Variants in IGSF10 observed in about 807,000 individuals in gnomAD.
The protein encoded by IGSF10 is immunoglobulin superfamily member 10.
IGSF10 carries 126 observed loss-of-function variants against 128.2 expected under a neutral mutation model. That is an observed-to-expected ratio of 0.98 (90% CI 0.85 to 1.14). The LOEUF (loss-of-function observed/expected upper bound fraction) is 1.14, where lower values mean the gene tolerates loss of function less well. IGSF10 is among the 50% of genes most tolerant of loss of function. The pLI is 0.00. For missense variants in IGSF10, 3,295 were observed against 3,149.8 expected, an observed-to-expected ratio of 1.05 and a Z score of -1.10; for synonymous variants, 1,185 against 1,146.2, an observed-to-expected ratio of 1.03 and a Z score of -0.68.
chr3:151,462,635 T>C (rs1722103426), upstream of IGSF10, among the ~76,000 whole-genome samples: 1 of 152,322 alleles, frequency 6.6e-6, no homozygotes, highest in Non-Finnish European at 1.5e-5. Flanking sequence ...TGCCCTATGG[T>C]CTGAACGTTT....
chr3:151,515,342 A>G, the IGSF10 span, among the ~76,000 whole-genome samples: 2 of 151,746 alleles, frequency 1.3e-5, no homozygotes, highest in African/African-American at 4.8e-5. Flanking sequence ...GCTGGAAACC[A>G]TCATTCTCAG....
chr3:151,502,322 A>C, the IGSF10 span, among the ~76,000 whole-genome samples: 1 of 152,104 alleles, frequency 6.6e-6, no homozygotes, highest in East Asian at 1.9e-4. Flanking sequence ...TTTTCACAGT[A>C]AAAATCTTAA....
the IGSF10 span, among the ~76,000 whole-genome samples, chr3:151,505,938 G>GCTT: frequency 2.3e-5 from 1 of 43,654 alleles, no homozygotes; most frequent in South Asian, 6.8e-4. Context: ...AGGCTGGCTT[G>GCTT]CTTCTTCTTC....
the IGSF10 span, among the ~76,000 whole-genome samples, chr3:151,602,786 T>A: frequency 2.0e-5 from 3 of 152,190 alleles, no homozygotes; most frequent in Admixed American, 1.3e-4. Flanking sequence ...CTGAACATTA[T>A]TGGGACAAGA....
chr3:151,503,136 A>G, the IGSF10 span, among the ~76,000 whole-genome samples: 124,370 of 151,932 alleles, frequency 0.82, 50,986 homozygotes, highest in Middle Eastern at 0.93. Context: ...TGGCAGTGCA[A>G]AAGCAAAGGC....
At chr3:151,512,630 A>G in the IGSF10 span, among the ~76,000 whole-genome samples, 9 of 152,236 alleles carry the variant, frequency 5.9e-5, no homozygotes, top group African/African-American at 2.2e-4. Context: ...AACTGAAGGA[A>G]ATAGAGACAC....
chr3:151,475,318 T>C, the IGSF10 span, among the ~76,000 whole-genome samples: 1 of 152,192 alleles, frequency 6.6e-6, no homozygotes, highest in South Asian at 2.1e-4. Context: ...GAGAGACTGG[T>C]GTCAATGCCT....
chr3:151,466,635 A>G, the IGSF10 span, among the ~76,000 whole-genome samples: 5 of 152,160 alleles, frequency 3.3e-5, no homozygotes, highest in Non-Finnish European at 5.9e-5. Flanking sequence ...CTGGAGTGCA[A>G]TGGCACAATC....
chr3:151,517,253 T>C, the IGSF10 span, among the ~76,000 whole-genome samples: 5 of 152,008 alleles, frequency 3.3e-5, no homozygotes, highest in Non-Finnish European at 7.4e-5. Flanking sequence ...TTGTTGACCA[T>C]GGAGAAATAT....
intron 7 of IGSF10, chr3:151,440,776 T>G (rs1236696070): frequency 5.5e-6 from 2 of 365,966 alleles, no homozygotes; most frequent in Non-Finnish European, 1.1e-5. Context: ...GGCATCAGGA[T>G]TCTTAGAATT....
At chr3:151,573,938 C>A in the IGSF10 span, among the ~76,000 whole-genome samples, 1 of 152,148 alleles carries the variant, frequency 6.6e-6, no homozygotes, top group African/African-American at 2.4e-5. Flanking sequence ...TGACAAAAAT[C>A]TCTCAGCATT....
At chr3:151,513,292 G>A in the IGSF10 span, among the ~76,000 whole-genome samples, 1 of 151,794 alleles carries the variant, frequency 6.6e-6, no homozygotes, top group Non-Finnish European at 1.5e-5. Flanking sequence ...TCATCCCTGG[G>A]ATGCAAGGCT....
chr3:151,524,204 T>C, the IGSF10 span, among the ~76,000 whole-genome samples: 1 of 152,140 alleles, frequency 6.6e-6, no homozygotes, highest in African/African-American at 2.4e-5. Context: ...ATTCAGTCAT[T>C]GTGGAAAGAA....
At chr3:151,594,121 A>G in the IGSF10 span, among the ~76,000 whole-genome samples, 1 of 152,118 alleles carries the variant, frequency 6.6e-6, no homozygotes, top group East Asian at 1.9e-4. Context: ...TGTGGTCTGT[A>G]CCACACATTT....
the IGSF10 span, among the ~76,000 whole-genome samples, chr3:151,529,466 G>A: frequency 6.6e-6 from 1 of 152,278 alleles, no homozygotes; most frequent in East Asian, 1.9e-4. Flanking sequence ...GCTCTGGCTA[G>A]CATCAGGCAG....
At chr3:151,619,925 T>C in the IGSF10 span, among the ~76,000 whole-genome samples, 2 of 152,240 alleles carry the variant, frequency 1.3e-5, no homozygotes, top group South Asian at 4.2e-4. Context: ...CATTGTGCCA[T>C]CTCAGGACTC....
chr3:151,530,781 C>T, the IGSF10 span, among the ~76,000 whole-genome samples: 1 of 152,118 alleles, frequency 6.6e-6, no homozygotes, highest in Non-Finnish European at 1.5e-5. Context: ...TAAAGACCAT[C>T]GATGCTATGA....
At chr3:151,588,512 A>T in the IGSF10 span, among the ~76,000 whole-genome samples, 8 of 152,220 alleles carry the variant, frequency 5.3e-5, no homozygotes, top group Non-Finnish European at 1.2e-4. Context: ...TGGGAAATGC[A>T]TATACACACT....
upstream of IGSF10, among the ~76,000 whole-genome samples, chr3:151,463,544 T>TTTTG (rs1722159544): frequency 9.5e-6 from 1 of 105,586 alleles, no homozygotes. Context: ...TTTTTTTTTT[T>TTTTG]TTTTTTTTTT....
Sources: allele counts gnomAD v4.1 joint callset (sites outside exome capture counted in the v4.1 genomes callset), GRCh38; gene constraint gnomAD v4.1.1; transcripts MANE v1.5; gene names NCBI Gene and HGNC (gene_info 2026-07-23, HGNC 2026-07-21).